Variants in LSAMP observed in about 807,000 individuals in gnomAD.
LSAMP encodes limbic system associated membrane protein.
A neutral mutation model predicts 38.6 loss-of-function variants in LSAMP; 7 were observed. That is an observed-to-expected ratio of 0.18 (90% CI 0.10 to 0.34). LSAMP has a LOEUF of 0.34. LSAMP is among the 10% of genes least tolerant of loss of function. The pLI, the probability that LSAMP is intolerant of heterozygous loss-of-function variation, is 1.00. For synonymous variants in LSAMP, 154 were observed against 166.8 expected (o/e 0.92, Z 0.59); for missense variants, 313 against 420.0 (o/e 0.75, Z 2.23).
chr3:115,924,256 C>A (rs2107528087), intron 3 of LSAMP, among the ~76,000 whole-genome samples: 1 of 152,262 alleles, frequency 6.6e-6, no homozygotes, highest in East Asian at 1.9e-4. Flanking sequence ...ATTCTAATTA[C>A]CTTAGGCCTC....
intron 2 of LSAMP, among the ~76,000 whole-genome samples, chr3:116,084,471 A>AC (rs57127863): frequency 0.13 from 19,348 of 145,612 alleles, 1,378 homozygotes; most frequent in Non-Finnish European, 0.17. Context: ...AAAAAAAAAA[A>AC]CCAAAAAAAA....
intron 1 of LSAMP, among the ~76,000 whole-genome samples, chr3:116,420,183 C>T (rs753777797): frequency 1.1e-4 from 17 of 151,804 alleles, no homozygotes; most frequent in Non-Finnish European, 2.2e-4. Flanking sequence ...CTGCTACCTC[C>T]GCCTCCTGGG....
At chr3:116,259,333 A>G (rs1486704015) in intron 1 of LSAMP, among the ~76,000 whole-genome samples, 4 of 152,140 alleles carry the variant, frequency 2.6e-5, no homozygotes, top group Non-Finnish European at 4.4e-5. Flanking sequence ...CTCATATAAA[A>G]TATGGTTTGT....
intron 6 of LSAMP, among the ~76,000 whole-genome samples, chr3:115,826,937 A>G (rs1183970881): frequency 6.6e-6 from 1 of 150,464 alleles, no homozygotes. Flanking sequence ...CCAGCCTCCA[A>G]TTAATGGGAT....
chr3:115,963,879 A>T (rs771512542), intron 3 of LSAMP, among the ~76,000 whole-genome samples: 14 of 151,788 alleles, frequency 9.2e-5, no homozygotes, highest in Non-Finnish European at 2.1e-4. Flanking sequence ...TCAGCCTCCC[A>T]AATAGCTGGG....
At chr3:115,973,894 C>G (rs1446109630) in intron 3 of LSAMP, among the ~76,000 whole-genome samples, 1 of 152,120 alleles carries the variant, frequency 6.6e-6, no homozygotes, top group Non-Finnish European at 1.5e-5. Context: ...TACTCAAAAA[C>G]TTTGGAATTT....
chr3:116,097,228 A>G (rs1475772318), intron 1 of LSAMP, among the ~76,000 whole-genome samples: 2 of 152,210 alleles, frequency 1.3e-5, no homozygotes, highest in African/African-American at 4.8e-5. Flanking sequence ...GAAAAAAAAT[A>G]TGGTCTTTTC....
At chr3:116,225,114 C>A (rs1576444839) in intron 1 of LSAMP, among the ~76,000 whole-genome samples, 1 of 151,998 alleles carries the variant, frequency 6.6e-6, no homozygotes, top group Non-Finnish European at 1.5e-5. Flanking sequence ...ACTAGTGGCC[C>A]CCACAAAAGA....
At chr3:115,886,465 G>A (rs572587606) in intron 3 of LSAMP, among the ~76,000 whole-genome samples, 55 of 152,006 alleles carry the variant, frequency 3.6e-4, no homozygotes, top group African/African-American at 1.2e-3. Context: ...ACAACAAAAG[G>A]TGGTTATTTA....
intron 3 of LSAMP, among the ~76,000 whole-genome samples, chr3:115,909,716 GA>G (rs1468222590): frequency 2.0e-5 from 3 of 152,196 alleles, no homozygotes; most frequent in African/African-American, 7.2e-5. Context: ...GTGCCACAAA[GA>G]TAAAGCTTGA....
At chr3:115,975,295 AAAAC>A (rs1192950288) in intron 3 of LSAMP, among the ~76,000 whole-genome samples, 1 of 152,180 alleles carries the variant, frequency 6.6e-6, no homozygotes, top group Non-Finnish European at 1.5e-5. Context: ...AACAAACAAA[AAAAC>A]AAAACATGAG....
At chr3:116,265,682 T>C (rs1412210520) in intron 1 of LSAMP, among the ~76,000 whole-genome samples, 1 of 152,200 alleles carries the variant, frequency 6.6e-6, no homozygotes, top group African/African-American at 2.4e-5. Context: ...AAAGAAATGA[T>C]TAGATTGAAC....
At chr3:115,949,563 G>A (rs893409214) in intron 3 of LSAMP, among the ~76,000 whole-genome samples, 20 of 151,876 alleles carry the variant, frequency 1.3e-4, no homozygotes, top group Non-Finnish European at 2.9e-4. Flanking sequence ...CAAATAACAA[G>A]TAGTGAGACT....
intron 3 of LSAMP, among the ~76,000 whole-genome samples, chr3:115,890,514 G>A (rs1220168303): frequency 6.6e-6 from 1 of 151,908 alleles, no homozygotes; most frequent in East Asian, 1.9e-4. Flanking sequence ...TTAAGAATAA[G>A]ATGTTCTCAC....
At chr3:115,931,284 G>A (rs1937576806) in intron 3 of LSAMP, among the ~76,000 whole-genome samples, 1 of 152,120 alleles carries the variant, frequency 6.6e-6, no homozygotes, top group African/African-American at 2.4e-5. Flanking sequence ...TGAAAACCTT[G>A]GCCATAGAAT....
intron 1 of LSAMP, among the ~76,000 whole-genome samples, chr3:116,297,275 G>T (rs1467700269): frequency 1.3e-5 from 2 of 152,118 alleles, no homozygotes; most frequent in Non-Finnish European, 2.9e-5. Context: ...TTCAAAAGGG[G>T]TCACTGAAAT....
intron 1 of LSAMP, among the ~76,000 whole-genome samples, chr3:116,180,906 A>T (rs1433587966): frequency 6.6e-6 from 1 of 152,084 alleles, no homozygotes; most frequent in African/African-American, 2.4e-5. Flanking sequence ...GGGTTAGGTG[A>T]TTCCATGAAT....
chr3:115,880,653 G>C (rs1188860600), intron 3 of LSAMP, among the ~76,000 whole-genome samples: 2 of 152,210 alleles, frequency 1.3e-5, no homozygotes, highest in East Asian at 1.9e-4. Flanking sequence ...TGAGTAAATA[G>C]AGAATATTTT....
intron 1 of LSAMP, among the ~76,000 whole-genome samples, chr3:116,246,577 C>T (rs749835562): frequency 2.6e-5 from 4 of 152,266 alleles, no homozygotes; most frequent in South Asian, 2.1e-4. Context: ...TTATGCCAAG[C>T]GTGCAGTGCC....
Sources: gnomAD v4.1 joint callset for allele counts (sites outside exome capture counted in the v4.1 genomes callset) on GRCh38, gnomAD v4.1.1 for gene constraint, MANE v1.5 for transcripts, NCBI Gene and HGNC (gene_info 2026-07-23, HGNC 2026-07-21) for gene names.